The following GRIK4 variants were observed in gnomAD, a reference collection of about 807,000 sequenced individuals.
GRIK4 encodes glutamate ionotropic receptor kainate type subunit 4.
Under a neutral mutation model 104.9 loss-of-function variants are expected in GRIK4, and 40 were observed. The observed-to-expected ratio is 0.38, with a 90% CI of 0.30 to 0.50. The LOEUF (loss-of-function observed/expected upper bound fraction) is 0.50. Ranked by LOEUF, GRIK4 falls within the 20% of genes least tolerant of loss-of-function variation. The pLI, the probability that GRIK4 is intolerant of heterozygous loss-of-function variation, is 0.93. For synonymous variants in GRIK4, 485 were observed against 524.9 expected, an observed-to-expected ratio of 0.92 and a Z score of 1.04; for missense variants, 1,047 against 1,308.1, an observed-to-expected ratio of 0.80 and a Z score of 3.08.
At chr11:120,851,970 A>G (rs919337006) in intron 8 of GRIK4, among the ~76,000 whole-genome samples, 1 of 152,194 alleles carries the variant, frequency 6.6e-6, no homozygotes, top group Admixed American at 6.5e-5. Flanking sequence ...GACCTGGGAA[A>G]GGAGAGGTTT....
intron 11 of GRIK4, among the ~76,000 whole-genome samples, chr11:120,889,728 C>T (rs917603475): frequency 1.3e-5 from 2 of 150,970 alleles, no homozygotes; most frequent in Non-Finnish European, 2.9e-5. Flanking sequence ...CCTCAGCCTC[C>T]GGAGTAGTTA....
chr11:120,578,039 G>C (rs999073682), intron 1 of GRIK4, among the ~76,000 whole-genome samples: 1 of 152,164 alleles, frequency 6.6e-6, no homozygotes, highest in Non-Finnish European at 1.5e-5. Flanking sequence ...TTGGTAAAGG[G>C]GTAGTGGCAA....
At position 120,940,526 on chromosome 11, in the gene GRIK4, C is replaced by T. The variant is rs1010753992; in HGVS notation, c.1590+66C>T. On this transcript the variant is annotated intron_variant, in intron 14 of 20. Coordinates refer to ENST00000527524, the MANE Select transcript of GRIK4 (RefSeq NM_014619.5). This position sits in a 1 kb window ranked among gnomAD's most constrained non-coding sequence, Gnocchi z 4.3. ...ATTTGCATGCAAACACTGAGTTATA[C>T]GGGAATAATGAATGACTCATGGAAA... The T allele has an allele frequency of 6.8e-5, 59 of 869,572 alleles. No homozygotes were observed. The highest frequency in any genetic ancestry group is 2.0e-4 in the East Asian group (8 of 40,934). The allele number at this position is 869,572 out of a possible 1,614,324, so 53.9% of individuals were successfully genotyped here.
At chr11:120,580,747 T>C (rs1948571307) in intron 1 of GRIK4, among the ~76,000 whole-genome samples, 2 of 152,058 alleles carry the variant, frequency 1.3e-5, no homozygotes, top group Admixed American at 6.5e-5. Context: ...AGTACAGACA[T>C]TGATGTGAAC....
intron 6 of GRIK4, among the ~76,000 whole-genome samples, chr11:120,820,752 T>C (rs1953102261): frequency 6.6e-6 from 1 of 152,208 alleles, no homozygotes; most frequent in African/African-American, 2.4e-5. Flanking sequence ...CTCCTTTCTA[T>C]GGCTTCTCAG....
intron 11 of GRIK4, among the ~76,000 whole-genome samples, chr11:120,890,676 G>C (rs1304717542): frequency 2.6e-5 from 4 of 152,202 alleles, no homozygotes; most frequent in Non-Finnish European, 5.9e-5. Flanking sequence ...GTGTATGAAA[G>C]TGCCTACATT....
At chr11:120,716,019 G>C (rs528004089) in intron 3 of GRIK4, among the ~76,000 whole-genome samples, 1 of 152,228 alleles carries the variant, frequency 6.6e-6, no homozygotes, top group East Asian at 1.9e-4. Context: ...TGTGGGCAGT[G>C]GGGGAAGGCG....
intron 13 of GRIK4, among the ~76,000 whole-genome samples, chr11:120,919,810 G>A (rs1368654484): frequency 1.3e-5 from 2 of 152,176 alleles, no homozygotes; most frequent in Admixed American, 1.3e-4. Context: ...TGAATGGGGA[G>A]ACAACAGGGA....
At chr11:120,865,011 G>A (rs550845805) in intron 9 of GRIK4, among the ~76,000 whole-genome samples, 1 of 152,232 alleles carries the variant, frequency 6.6e-6, no homozygotes, top group Non-Finnish European at 1.5e-5. Flanking sequence ...GAGCATTATT[G>A]TGAAGACGGA....
At chr11:120,924,310 A>C (rs189390233) in intron 13 of GRIK4, among the ~76,000 whole-genome samples, 27 of 152,206 alleles carry the variant, frequency 1.8e-4, no homozygotes, top group African/African-American at 6.3e-4. Context: ...AGCAGTCGGT[A>C]CCGTGGCAGC....
chr11:120,540,628 TAAATA>T (rs905356741), intron 1 of GRIK4, among the ~76,000 whole-genome samples: 13 of 151,154 alleles, frequency 8.6e-5, no homozygotes, highest in African/African-American at 2.9e-4. Context: ...AATATATAAA[TAAATA>T]AAATAAAAAA....
intron 13 of GRIK4, among the ~76,000 whole-genome samples, chr11:120,928,005 G>C (rs2005529): frequency 0.25 from 38,051 of 151,862 alleles, 5,465 homozygotes; most frequent in Admixed American, 0.37. Flanking sequence ...CTGAGATCAG[G>C]AGTGTGAGAG....
chr11:120,879,352 T>C (rs112553667), intron 11 of GRIK4, among the ~76,000 whole-genome samples: 1,960 of 152,300 alleles, frequency 0.013, 42 homozygotes, highest in African/African-American at 0.044. Flanking sequence ...CATCTTCTCA[T>C]TGGGGCTTGG....
chr11:120,710,261 T>C (rs1950704471), intron 3 of GRIK4, among the ~76,000 whole-genome samples: 1 of 152,234 alleles, frequency 6.6e-6, no homozygotes, highest in African/African-American at 2.4e-5. Context: ...TTCTGGGACC[T>C]GTTCCATTTT....
At chr11:120,879,660 T>G (rs1430278391) in intron 11 of GRIK4, among the ~76,000 whole-genome samples, 1 of 152,210 alleles carries the variant, frequency 6.6e-6, no homozygotes, top group Non-Finnish European at 1.5e-5. Flanking sequence ...CAGGGACAAT[T>G]CCCTGTTGTG....
intron 9 of GRIK4, chr11:120,870,580 G>A (rs574950278): frequency 1.3e-5 from 2 of 152,238 alleles, no homozygotes; most frequent in South Asian, 4.2e-4. Flanking sequence ...TTCTCGGAGG[G>A]AGGGAGGTGG....
intron 3 of GRIK4, among the ~76,000 whole-genome samples, chr11:120,688,310 T>A (rs564307756): frequency 1.1e-4 from 16 of 152,298 alleles, no homozygotes; most frequent in African/African-American, 3.8e-4. Context: ...CCACAAACTA[T>A]CCCACCCTAC....
chr11:120,839,632 C>T (rs1953666335), intron 8 of GRIK4, among the ~76,000 whole-genome samples: 1 of 152,174 alleles, frequency 6.6e-6, no homozygotes, highest in Admixed American at 6.5e-5. Context: ...CCTAAAATGC[C>T]ATTTTATTTA....
intron 1 of GRIK4, among the ~76,000 whole-genome samples, chr11:120,592,115 C>T (rs1007052153): frequency 2.6e-5 from 4 of 152,194 alleles, no homozygotes; most frequent in African/African-American, 9.6e-5. Flanking sequence ...AAAAGATTTG[C>T]TGCTGGGGTC....
Sources: allele counts gnomAD v4.1 joint callset (sites outside exome capture counted in the v4.1 genomes callset), GRCh38; gene constraint gnomAD v4.1.1; non-coding constraint Gnocchi (gnomAD v3.1); transcripts MANE v1.5; gene names NCBI Gene and HGNC (gene_info 2026-07-23, HGNC 2026-07-21).